CRYBG3: variants seen among roughly 807,000 people sequenced by gnomAD.
CRYBG3 encodes the protein crystallin beta-gamma domain containing 3, also known as very large A-kinase anchor protein.
In CRYBG3, 127 loss-of-function variants were observed where a neutral mutation model predicts 244.2. The observed-to-expected ratio is 0.52, with a 90% confidence interval of 0.45 to 0.60. The LOEUF (loss-of-function observed/expected upper bound fraction) is 0.60, where lower values mean the gene tolerates loss of function less well. Among genes scored for constraint, CRYBG3 ranks in the 20% least tolerant of loss-of-function variants. The pLI is 0.00. For missense variants in CRYBG3, 3,325 were observed against 3,442.5 expected (o/e 0.97, Z 0.85); for synonymous variants, 1,132 against 1,195.8 (o/e 0.95, Z 1.10).
intron 11 of CRYBG3, among the ~76,000 whole-genome samples, chr3:97,893,428 A>C (rs1170598928): frequency 6.6e-6 from 1 of 152,214 alleles, no homozygotes; most frequent in Non-Finnish European, 1.5e-5. Context: ...GATTTTTGAC[A>C]TTGGTTGCCC....
rs2039341319 is a variant in CRYBG3 at position 97,874,156 on chromosome 3, C to T, written c.2962C>T (p.Leu988Phe). ...TTCTGGTCACTCAGAAATGGCGGAA[C>T]TCAGCTTAACTAATATTTCCCCTAA... Reference protein sequence around the residue: ...KISGHSEMAELSLTNISPKFQ... With the variant: ...KISGHSEMAEFSLTNISPKFQ... The change falls in exon 4 of 22, where the codon CTC (leucine) becomes TTC (phenylalanine). Residue 988 changes from leucine to phenylalanine, a missense_variant. Leu to Phe is a conservative substitution (Grantham distance 22, BLOSUM62 0). Around this residue, in one of 4 missense-constraint regions of CRYBG3, gnomAD observed 1,526 missense variants for 1,443.2 expected, o/e 1.06. Coordinates refer to ENST00000389622, the MANE Select transcript of CRYBG3 (RefSeq NM_153605.4). The T allele has an allele frequency of 6.5e-7, 1 of 1,531,574 alleles. No individual in the cohort carries two copies. The highest frequency in any genetic ancestry group is 2.0e-5 in the Admixed American group (1 of 49,932). 94.9% of individuals were successfully genotyped at this position (1,531,574 alleles called of 1,614,324 possible).
intron 14 of CRYBG3, 135 bp downstream of exon 14, chr3:97,899,398 G>T: frequency 1.1e-6 from 1 of 873,824 alleles, no homozygotes; most frequent in Non-Finnish European, 1.7e-6. Context: ...AATATCACTT[G>T]AATTTCTATA....
rs2039362824 is a variant in CRYBG3, at chr3:97,875,679, T to A, written c.4485T>A (p.Ser1495Arg). The change falls in exon 4 of 22, where the codon AGT (serine) becomes AGA (arginine). Residue 1495 changes from serine to arginine, a missense_variant. This residue lies in a region of CRYBG3 where 635 missense variants were observed against 771.7 expected (regional missense o/e 0.82). Transcript: ENST00000389622. ...ATGCACCTGGTACATCTAAAAGCAGTTTGTCTGATAGCCTTGTATGTATAT... is the reference window on the plus strand; with the variant it reads ...ATGCACCTGGTACATCTAAAAGCAGATTGTCTGATAGCCTTGTATGTATAT... ...DIHAPGTSKS[S>R]LSDSLVCISE... 11 of 1,233,034 alleles carry A rather than the reference T, an allele frequency of 8.9e-6. No individual in the cohort carries two copies. Among genetic ancestry groups the A allele is most frequent in the Non-Finnish European group, 1.0e-5 (10 of 988,882 alleles). 76.4% of individuals were successfully genotyped at this position (1,233,034 alleles called of 1,614,324 possible).
At chr3:97,942,629 A>C (rs1439320730) in intron 21 of CRYBG3, 186 bp downstream of exon 21, 20 of 536,568 alleles carry the variant, frequency 3.7e-5, no homozygotes, top group South Asian at 1.3e-4. Flanking sequence ...CCAAACAACA[A>C]AGCTTAGGGT....
intron 17 of CRYBG3, among the ~76,000 whole-genome samples, chr3:97,930,392 C>T (rs958040600): frequency 6.6e-6 from 1 of 152,044 alleles, no homozygotes. Flanking sequence ...TTTTTATTGT[C>T]TGCTTACTTT....
chr3:97,889,477 G>A, intron 10 of CRYBG3, 87 bp downstream of exon 10: 2 of 1,117,228 alleles, frequency 1.8e-6, no homozygotes, highest in South Asian at 1.3e-5. Context: ...GGAATAAAAA[G>A]TACCTCCACA....
At chr3:97,871,768 T>G (rs1185803573) in intron 3 of CRYBG3, 74 bp from the exon 4 acceptor site, 1 of 1,090,072 alleles carries the variant, frequency 9.2e-7, no homozygotes, top group African/African-American at 1.6e-5. Flanking sequence ...GATGTACTTT[T>G]ACCACAGTTG....
At chr3:97,889,091 C>T (rs1175895429) in intron 9 of CRYBG3, among the ~76,000 whole-genome samples, 1 of 152,152 alleles carries the variant, frequency 6.6e-6, no homozygotes, top group African/African-American at 2.4e-5. Flanking sequence ...AGCTCAGTTT[C>T]CTTCCTCATA....
intron 2 of CRYBG3, among the ~76,000 whole-genome samples, chr3:97,860,406 T>C (rs1033795413): frequency 2.0e-5 from 3 of 152,068 alleles, no homozygotes; most frequent in Non-Finnish European, 4.4e-5. Context: ...AGAAGAAAAA[T>C]AAAACAGAAA....
At chr3:97,866,204 C>T (rs1013108238) in intron 3 of CRYBG3, among the ~76,000 whole-genome samples, 2 of 152,042 alleles carry the variant, frequency 1.3e-5, no homozygotes, top group Non-Finnish European at 2.9e-5. Flanking sequence ...AAGGCTGACA[C>T]TCATATACCC....
chr3:97,868,743 T>G (rs2039266414), intron 3 of CRYBG3, among the ~76,000 whole-genome samples: 1 of 152,186 alleles, frequency 6.6e-6, no homozygotes, highest in Non-Finnish European at 1.5e-5. Context: ...ATGGACTTTT[T>G]CTGTGGTCTA....
chr3:97,864,495 C>T lies in CRYBG3; in HGVS notation c.495C>T (p.Asp165=), dbSNP rs188847721. The T allele has an allele frequency of 3.9e-4, 606 of 1,535,872 alleles. 5 individuals carry two copies. The East Asian group carries it at 7.6e-3, about 19-fold the overall frequency. The change falls in exon 3 of 22, where the codon GAC becomes GAT. Residue 165 remains aspartate, a synonymous_variant. Transcript: ENST00000389622. ...AAAATCCCAGTGACCATCATGAAGA[C>T]GGGATCAAAAGGGAGAGAGAGATTT... ...DLQNPSDHHE[D]GIKREREIFS...
chr3:97,873,280 C>A lies in CRYBG3; in HGVS notation c.2086C>A (p.Gln696Lys), dbSNP rs777780843. The A allele has an allele frequency of 5.9e-6, 9 of 1,535,046 alleles. No homozygotes were observed. The African/African-American group carries it at 1.1e-4, about 19-fold the overall frequency. Residue 696 changes from glutamine (Q) to lysine (K), a missense_variant, in exon 4 of 22, where the codon CAG becomes AAG. Transcript: ENST00000389622. ...GNVNIVGISYQPRKCKEENVK... is the reference protein window; with the variant it reads ...GNVNIVGISYKPRKCKEENVK... ...TGTCAACATTGTTGGTATTTCCTATCAGCCTAGGAAGTGTAAAGAAGAAAA... is the reference window on the plus strand; with the variant it reads ...TGTCAACATTGTTGGTATTTCCTATAAGCCTAGGAAGTGTAAAGAAGAAAA...
Position 97,843,193 on chromosome 3 carries a change from A to G in CRYBG3, c.150-2A>G, listed in dbSNP as rs2038846699. 12 of 1,501,338 alleles carry G rather than the reference A, an allele frequency of 8.0e-6. No individual in the cohort carries two copies. Among genetic ancestry groups the G allele is most frequent in the Non-Finnish European group, 1.1e-5 (12 of 1,128,722 alleles). 93.0% of individuals were successfully genotyped at this position (1,501,338 alleles called of 1,614,324 possible). ...AAAGAAACTGTGGTTTTTATTTTTCAGTGTTGAAAATGAGCCCATGAGCAC... is the reference window on the plus strand; with the variant it reads ...AAAGAAACTGTGGTTTTTATTTTTCGGTGTTGAAAATGAGCCCATGAGCAC... On this transcript the variant is annotated splice_acceptor_variant, in intron 1 of 21. Coordinates refer to ENST00000389622, the MANE Select transcript of CRYBG3 (RefSeq NM_153605.4). LOFTEE classifies it high-confidence loss of function.
At chr3:97,935,380 T>C (rs756706638) in intron 18 of CRYBG3, among the ~76,000 whole-genome samples, 5 of 152,002 alleles carry the variant, frequency 3.3e-5, no homozygotes, top group Non-Finnish European at 7.4e-5. Context: ...ACCAGTCTGA[T>C]TGATTAGATT....
intron 17 of CRYBG3, among the ~76,000 whole-genome samples, chr3:97,921,088 TC>T (rs777978879): frequency 8.3e-5 from 11 of 131,814 alleles, no homozygotes; most frequent in Non-Finnish European, 9.8e-5. Flanking sequence ...AAGCTTTCCC[TC>T]CCCCCTCCCA....
At chr3:97,853,406 TAC>T (rs57065921) in intron 2 of CRYBG3, among the ~76,000 whole-genome samples, 12,733 of 147,640 alleles carry the variant, frequency 0.086, 867 homozygotes, top group African/African-American at 0.2. Flanking sequence ...ACACATACAA[TAC>T]ACACACACAC....
At chr3:97,918,067 T>A (rs1238226422) in intron 17 of CRYBG3, among the ~76,000 whole-genome samples, 1 of 152,170 alleles carries the variant, frequency 6.6e-6, no homozygotes, top group Non-Finnish European at 1.5e-5. Context: ...TTCCAGGAAA[T>A]GTTTCTGTGT....
At chr3:97,847,857 AATT>A (rs2038925626) in intron 2 of CRYBG3, among the ~76,000 whole-genome samples, 1 of 152,204 alleles carries the variant, frequency 6.6e-6, no homozygotes, top group Admixed American at 6.5e-5. Flanking sequence ...AATAAAATGA[AATT>A]AATAAGTATT....
Sources: gnomAD v4.1 joint callset for allele counts (sites outside exome capture counted in the v4.1 genomes callset) on GRCh38, gnomAD v4.1.1 for gene constraint, gnomAD v4.1.1 regional missense constraint, MANE v1.5 for transcripts, NCBI Gene and HGNC (gene_info 2026-07-23, HGNC 2026-07-21) for gene names.